The following PTPRE variants were observed in gnomAD, a reference collection of about 807,000 sequenced individuals.
PTPRE encodes protein tyrosine phosphatase receptor type E.
In PTPRE, 51 loss-of-function variants were observed where a neutral mutation model predicts 102.0. The observed-to-expected ratio is 0.50, with a 90% CI of 0.40 to 0.63. PTPRE has a LOEUF of 0.63. Among genes scored for constraint, PTPRE ranks in the 30% least tolerant of loss-of-function variants. The pLI is 0.00. For missense variants in PTPRE, 752 were observed against 915.1 expected, an observed-to-expected ratio of 0.82 and a Z score of 2.30; for synonymous variants, 345 against 348.2, an observed-to-expected ratio of 0.99 and a Z score of 0.10.
At chr10:128,061,357 A>G (rs891321430) in intron 8 of PTPRE, among the ~76,000 whole-genome samples, 2 of 152,252 alleles carry the variant, frequency 1.3e-5, no homozygotes, top group Non-Finnish European at 2.9e-5. Context: ...ATCATTTAAT[A>G]TCAATTATAA....
intron 2 of PTPRE, chr10:127,998,605 C>A (rs1049984997): frequency 6.6e-6 from 1 of 152,170 alleles, no homozygotes; most frequent in Non-Finnish European, 1.5e-5. Context: ...AAAGTGAGTG[C>A]CTGGCGCTGC....
intron 1 of PTPRE, among the ~76,000 whole-genome samples, chr10:127,946,354 TCA>T (rs1487160304): frequency 6.6e-6 from 1 of 152,212 alleles, no homozygotes; most frequent in Non-Finnish European, 1.5e-5. Flanking sequence ...AAAAGAACTC[TCA>T]GCCCTCATTT....
intron 2 of PTPRE, among the ~76,000 whole-genome samples, chr10:128,011,434 G>T (rs1844999149): frequency 6.6e-6 from 1 of 152,220 alleles, no homozygotes; most frequent in African/African-American, 2.4e-5. Context: ...GGAGGCGCGG[G>T]TTAGGAAGGT....
chr10:128,082,681 G>A, intron 20 of PTPRE, 151 bp from the exon 21 acceptor site: 1 of 824,556 alleles, frequency 1.2e-6, no homozygotes. Context: ...TTCTGCATGT[G>A]CCTAAAAACT....
chr10:128,011,387 G>T (rs1844993146), intron 2 of PTPRE, among the ~76,000 whole-genome samples: 1 of 152,228 alleles, frequency 6.6e-6, no homozygotes. Context: ...GAGTGATCCT[G>T]CAAGGATACT....
At chr10:128,032,388 T>G (rs1310664896) in intron 2 of PTPRE, among the ~76,000 whole-genome samples, 1 of 152,226 alleles carries the variant, frequency 6.6e-6, no homozygotes, top group African/African-American at 2.4e-5. Flanking sequence ...GACTGTCCAC[T>G]TGTGCCTCCA....
chr10:128,069,894 G>C (rs1360075714), intron 13 of PTPRE, 67 bp downstream of exon 13: 6 of 1,609,988 alleles, frequency 3.7e-6, no homozygotes, highest in Non-Finnish European at 5.1e-6. Context: ...TCGCCACACA[G>C]GTGTGCAGGG....
chr10:128,037,091 G>A (rs1044838047), intron 2 of PTPRE, among the ~76,000 whole-genome samples: 3 of 152,220 alleles, frequency 2.0e-5, no homozygotes, highest in Non-Finnish European at 4.4e-5. Context: ...GCACAGGAGT[G>A]GGCATCATTC....
At chr10:128,066,235 T>A (rs1315287149) in intron 11 of PTPRE, 41 bp downstream of exon 11, 1 of 1,605,484 alleles carries the variant, frequency 6.2e-7, no homozygotes, top group Non-Finnish European at 8.5e-7. Flanking sequence ...AAGATCATTT[T>A]CAGAGAGCAT....
chr10:127,954,368 A>T (rs190815401), intron 1 of PTPRE, among the ~76,000 whole-genome samples: 14 of 152,340 alleles, frequency 9.2e-5, no homozygotes, highest in African/African-American at 3.4e-4. Context: ...ATTACAATGC[A>T]GCACCTTCAT....
intron 2 of PTPRE, among the ~76,000 whole-genome samples, chr10:127,983,865 G>A (rs1851845346): frequency 6.6e-6 from 1 of 152,068 alleles, no homozygotes; most frequent in African/African-American, 2.4e-5. Context: ...CCTGTGACAG[G>A]TGCTTCCGGG....
At position 127,961,953 on chromosome 10, in the gene PTPRE, C is replaced by T. The variant is rs192193939; in HGVS notation, c.-30-20321C>T. Among the ~76,000 whole-genome samples the T allele has an allele frequency of 1.3e-4, 20 of 152,270 alleles. No homozygotes were observed. The East Asian group carries it at 3.7e-3, about 28-fold the overall frequency. On this transcript the variant is annotated intron_variant, in intron 1 of 20. Transcript: ENST00000254667. ...TATGAAATTGGTTCTGCAGGATGTG[C>T]GGCCTGCAGTTACCACTCAGGAGAT... is the stretch of plus-strand genomic sequence containing the variant.
chr10:128,013,288 G>C (rs181258462), intron 2 of PTPRE, among the ~76,000 whole-genome samples: 1 of 152,176 alleles, frequency 6.6e-6, no homozygotes, highest in African/African-American at 2.4e-5. Context: ...GTTCTCCGAA[G>C]TCGTGAGTAG....
At chr10:127,938,165 T>C (rs1417240416) in intron 1 of PTPRE, among the ~76,000 whole-genome samples, 2 of 152,154 alleles carry the variant, frequency 1.3e-5, no homozygotes, top group African/African-American at 4.8e-5. Flanking sequence ...GTTTCTTTCC[T>C]GTGAAGGGAG....
intron 20 of PTPRE, among the ~76,000 whole-genome samples, chr10:128,082,195 C>CTTTTTTTTTTTTTTTTTTTTT (rs35709074): frequency 1.1e-5 from 1 of 89,036 alleles, no homozygotes; most frequent in Non-Finnish European, 2.2e-5. Context: ...TTTTCTCTTT[C>CTTTTTTTTTTTTTTTTTTTTT]TTTTTTTTTT....
At chr10:128,058,274 C>T (rs1849184541) in intron 7 of PTPRE, among the ~76,000 whole-genome samples, 1 of 152,256 alleles carries the variant, frequency 6.6e-6, no homozygotes, top group Non-Finnish European at 1.5e-5. Context: ...GCCGGGCCCA[C>T]CCACTGCAAG....
rs537329054 is a variant in PTPRE, at chr10:128,059,846, T to A, written c.512-1093T>A. Reference sequence around the variant, plus strand: ...CCCAGTCCTAAGATAACCTTCTTAATAGTTCTATGGAGGAAGCTGCAAAGG... The same window carrying A: ...CCCAGTCCTAAGATAACCTTCTTAAAAGTTCTATGGAGGAAGCTGCAAAGG... On this transcript the variant is annotated intron_variant, in intron 7 of 20. Coordinates refer to ENST00000254667, the MANE Select transcript of PTPRE (RefSeq NM_006504.6). 3.9e-5 allele frequency among the ~76,000 whole-genome samples: 6 copies of A among 152,288 alleles called. No homozygotes were observed. The East Asian group carries it at 1.2e-3, about 29-fold the overall frequency.
intron 1 of PTPRE, among the ~76,000 whole-genome samples, chr10:127,961,226 G>T (rs1287065908): frequency 6.6e-6 from 1 of 152,106 alleles, no homozygotes; most frequent in African/African-American, 2.4e-5. Context: ...AAATGAAAAC[G>T]ATTAACATTC....
At chr10:127,971,742 A>G (rs997858296) in intron 1 of PTPRE, among the ~76,000 whole-genome samples, 1 of 152,162 alleles carries the variant, frequency 6.6e-6, no homozygotes, top group South Asian at 2.1e-4. Flanking sequence ...GCTCTAGAAG[A>G]AGACTCTTAA....
Sources: gnomAD v4.1 joint callset for allele counts (sites outside exome capture counted in the v4.1 genomes callset) on GRCh38, gnomAD v4.1.1 for gene constraint, MANE v1.5 for transcripts, NCBI Gene and HGNC (gene_info 2026-07-23, HGNC 2026-07-21) for gene names.